ACSM3: variants seen among roughly 807,000 people sequenced by gnomAD.
The protein encoded by ACSM3 is acyl-coenzyme A synthetase ACSM3, mitochondrial.
A neutral mutation model predicts 74.1 loss-of-function variants in ACSM3; 61 were observed. That is an observed-to-expected ratio of 0.82 (90% confidence interval 0.67 to 1.02). The LOEUF (loss-of-function observed/expected upper bound fraction) is 1.02. Ranked by LOEUF, ACSM3 falls within the 50% of genes least tolerant of loss-of-function variation. ACSM3 has a pLI of 0.00. For synonymous variants in ACSM3, 213 were observed against 241.5 expected (o/e 0.88, Z 1.09); for missense variants, 660 against 697.0 (o/e 0.95, Z 0.60).
intron 1 of ACSM3, among the ~76,000 whole-genome samples, chr16:20,715,623 C>CA (rs149578773): frequency 0.46 from 70,135 of 150,866 alleles, 17,299 homozygotes; most frequent in Non-Finnish European, 0.57. Flanking sequence ...CAAAACAAAA[C>CA]AAAAAAAAAT....
intron 1 of ACSM3, among the ~76,000 whole-genome samples, chr16:20,676,503 G>C (rs1175722613): frequency 6.6e-6 from 1 of 152,194 alleles, no homozygotes; most frequent in African/African-American, 2.4e-5. Flanking sequence ...GCAGGCCCAA[G>C]GAGATATCAG....
At chr16:20,679,619 A>G (rs1323608148) in intron 1 of ACSM3, 1 of 152,170 alleles carries the variant, frequency 6.6e-6, no homozygotes, top group African/African-American at 2.4e-5. Flanking sequence ...CCTATACTAG[A>G]AGGGGAGAAA....
chr16:20,703,174 A>G (rs2079718051), intron 1 of ACSM3: 1 of 152,126 alleles, frequency 6.6e-6, no homozygotes, highest in Non-Finnish European at 1.5e-5. Flanking sequence ...TGGTCCATAT[A>G]TCTGTTTTGG....
intron 1 of ACSM3, among the ~76,000 whole-genome samples, chr16:20,685,584 G>A (rs900665067): frequency 6.6e-6 from 1 of 152,028 alleles, no homozygotes; most frequent in South Asian, 2.1e-4. Context: ...TACTTTAGGA[G>A]GTGGAGGCAG....
At chr16:20,732,664 T>TA (rs1426698324) in intron 1 of ACSM3, among the ~76,000 whole-genome samples, 1 of 152,124 alleles carries the variant, frequency 6.6e-6, no homozygotes, top group Non-Finnish European at 1.5e-5. Context: ...GTAAAGGGAT[T>TA]ATTACTTTCT....
chr16:20,789,696 T>C, intron 9 of ACSM3: 3 of 625,270 alleles, frequency 4.8e-6, no homozygotes, highest in East Asian at 2.8e-5. Flanking sequence ...TTTTTTTTTT[T>C]TTTTTTTGAG....
intron 1 of ACSM3, among the ~76,000 whole-genome samples, chr16:20,741,008 T>C (rs893087929): frequency 5.3e-5 from 8 of 152,174 alleles, no homozygotes; most frequent in African/African-American, 1.9e-4. Flanking sequence ...CTCGCGCCTG[T>C]AATCTCAGCA....
chr16:20,690,799 AG>A, intron 1 of ACSM3, among the ~76,000 whole-genome samples: 1 of 152,356 alleles, frequency 6.6e-6, no homozygotes, highest in Non-Finnish European at 1.5e-5. Flanking sequence ...CTCATTTCAT[AG>A]ATGAAACCAC....
chr16:20,791,927 GAA>G (rs79083383), intron 10 of ACSM3, 73 bp from the exon 11 acceptor site: 2,531 of 1,267,594 alleles, frequency 2.0e-3, no homozygotes, highest in East Asian at 3.7e-3. Flanking sequence ...GACTGTCTCG[GAA>G]AAAAAAAAAA....
At chr16:20,736,948 C>T in intron 1 of ACSM3, 5 of 1,614,148 alleles carry the variant, frequency 3.1e-6, no homozygotes, top group Non-Finnish European at 4.2e-6. Context: ...GGTTTGGCTC[C>T]TCCCTCATTT....
chr16:20,730,278 C>T (rs1157568702), intron 1 of ACSM3, among the ~76,000 whole-genome samples: 1 of 152,138 alleles, frequency 6.6e-6, no homozygotes, highest in Non-Finnish European at 1.5e-5. Context: ...ACTGAATGGA[C>T]AACTGTCATG....
Position 20,792,082 on chromosome 16 carries a change from G to T in ACSM3, c.1407G>T (p.Gly469=). The part of the protein sequence containing the change: ...TGDRGYMDKD[G]YFWFVARADD... ...ACAGAGGATATATGGATAAAGATGGGTATTTCTGGTTTGTTGCAAGAGCAG... is the reference window on the plus strand; with the variant it reads ...ACAGAGGATATATGGATAAAGATGGTTATTTCTGGTTTGTTGCAAGAGCAG... The change falls in exon 11 of 14, where the codon GGG becomes GGT. Residue 469 remains glycine (G), a synonymous_variant. Coordinates refer to ENST00000289416, the MANE Select transcript of ACSM3 (RefSeq NM_005622.4). 1 of 1,614,094 alleles carries T rather than the reference G, an allele frequency of 6.2e-7. No individual in the cohort carries two copies. The highest frequency in any genetic ancestry group is 1.3e-5 in the African/African-American group (1 of 75,020).
At chr16:20,682,307 A>G (rs2079462714) in intron 1 of ACSM3, 1 of 1,613,906 alleles carries the variant, frequency 6.2e-7, no homozygotes, top group Non-Finnish European at 8.5e-7. Context: ...ATCAGACACC[A>G]GGAGCTTGGT....
intron 1 of ACSM3, chr16:20,685,077 G>T: frequency 9.4e-7 from 1 of 1,064,426 alleles, no homozygotes; most frequent in East Asian, 2.5e-5. Context: ...CAGAAACTGG[G>T]GCGAAGGCTT....
chr16:20,794,166 A>G (rs1321980114), intron 12 of ACSM3, among the ~76,000 whole-genome samples: 3 of 152,210 alleles, frequency 2.0e-5, no homozygotes, highest in Admixed American at 2.0e-4. Context: ...TACCTGGGTT[A>G]GGTCCTTCTC....
chr16:20,711,461 T>C (rs2079743596), intron 1 of ACSM3: 8 of 1,195,060 alleles, frequency 6.7e-6, no homozygotes, highest in Non-Finnish European at 9.4e-6. Flanking sequence ...TTCTGTTTAG[T>C]GTCCTTCCCA....
chr16:20,741,479 C>CGGGGGGGGGGGGGGGGGGGGGGGGG, intron 1 of ACSM3: 2 of 1,329,522 alleles, frequency 1.5e-6, no homozygotes, highest in Non-Finnish European at 9.8e-7. Flanking sequence ...GCCTGGCAGC[C>CGGGGGGGGGGGGGGGGGGGGGGGGG]GGCCCGCCCG....
intron 13 of ACSM3, 125 bp from the exon 14 acceptor site, chr16:20,796,761 C>T: frequency 6.6e-7 from 1 of 1,524,922 alleles, no homozygotes; most frequent in Non-Finnish European, 8.8e-7. Context: ...TGGCTGTTAC[C>T]CAAAACCCAT....
At chr16:20,734,335 CCTAA>C (rs1053673365) in intron 1 of ACSM3, 15 of 152,542 alleles carry the variant, frequency 9.8e-5, no homozygotes, top group East Asian at 5.8e-4. Flanking sequence ...TCCCTATTCC[CCTAA>C]CTGATATTAA....
Sources: allele counts gnomAD v4.1 joint callset (sites outside exome capture counted in the v4.1 genomes callset), GRCh38; gene constraint gnomAD v4.1.1; transcripts MANE v1.5; gene names NCBI Gene and HGNC (gene_info 2026-07-23, HGNC 2026-07-21).